EEFSEC: variants seen among roughly 807,000 people sequenced by gnomAD.
The protein encoded by EEFSEC is selenocysteine-specific elongation factor.
A neutral mutation model predicts 42.1 loss-of-function variants in EEFSEC; 43 were observed. That is an observed-to-expected ratio of 1.02 (90% confidence interval 0.80 to 1.32). The LOEUF (loss-of-function observed/expected upper bound fraction) is 1.32. EEFSEC is among the 40% of genes most tolerant of loss of function. The pLI is 0.00. For missense variants in EEFSEC, 745 were observed against 803.6 expected, an observed-to-expected ratio of 0.93 and a Z score of 0.88; for synonymous variants, 354 against 339.1, an observed-to-expected ratio of 1.04 and a Z score of -0.48.
intron 1 of EEFSEC, among the ~76,000 whole-genome samples, chr3:128,167,079 C>T (rs2065248820): frequency 6.6e-6 from 1 of 152,168 alleles, no homozygotes. Flanking sequence ...ACATGCAGGT[C>T]TGTGGACAGA....
chr3:128,257,351 C>G (rs2066251470), intron 2 of EEFSEC, among the ~76,000 whole-genome samples: 2 of 152,198 alleles, frequency 1.3e-5, no homozygotes, highest in Admixed American at 1.3e-4. Context: ...CTCAGATGCT[C>G]TCCAGAGGGG....
chr3:128,337,664 A>C (rs952957447), intron 4 of EEFSEC, among the ~76,000 whole-genome samples: 3 of 152,238 alleles, frequency 2.0e-5, no homozygotes, highest in African/African-American at 7.2e-5. Flanking sequence ...TGTCACAACC[A>C]GGTTTCTCAG....
intron 2 of EEFSEC, among the ~76,000 whole-genome samples, chr3:128,249,471 G>A (rs762700318): frequency 2.6e-5 from 4 of 152,060 alleles, no homozygotes; most frequent in African/African-American, 7.3e-5. Context: ...ACATGTAAGT[G>A]TATAATTCAG....
intron 6 of EEFSEC, among the ~76,000 whole-genome samples, chr3:128,398,341 G>A (rs1576703378): frequency 6.6e-6 from 1 of 152,200 alleles, no homozygotes; most frequent in Admixed American, 6.5e-5. Flanking sequence ...GGCCGAGGGA[G>A]CGCCAGTCCC....
intron 6 of EEFSEC, among the ~76,000 whole-genome samples, chr3:128,370,500 C>T (rs1427266088): frequency 6.6e-6 from 1 of 152,188 alleles, no homozygotes; most frequent in East Asian, 1.9e-4. Flanking sequence ...AGCAGTGAGG[C>T]AGAGCTGACT....
chr3:128,305,988 A>G (rs2066822095), intron 4 of EEFSEC, among the ~76,000 whole-genome samples: 1 of 152,292 alleles, frequency 6.6e-6, no homozygotes, highest in East Asian at 1.9e-4. Flanking sequence ...GATATCCTGC[A>G]ACTTCTCTTT....
At chr3:128,160,919 A>G (rs559227644) in intron 1 of EEFSEC, among the ~76,000 whole-genome samples, 2 of 152,270 alleles carry the variant, frequency 1.3e-5, no homozygotes, top group African/African-American at 2.4e-5. Context: ...GTTAACAGTG[A>G]TAATTGTACT....
chr3:128,376,115 G>A lies in EEFSEC; in HGVS notation c.1600+17742G>A, dbSNP rs146552064. ...AGTGGAGTAGGGTGCCTCTTTCCCA[G>A]TAACCCCACCAAAGTGCTAGAGCCC... On this transcript the variant is annotated intron_variant, in intron 6 of 6. Transcript: ENST00000254730. 4.6e-3 allele frequency among the ~76,000 whole-genome samples: 695 copies of A among 152,294 alleles called. 5 individuals carry two copies. Among genetic ancestry groups the A allele is most frequent in the African/African-American group, 0.015 (611 of 41,570 alleles).
chr3:128,368,080 G>A (rs1453188645), intron 6 of EEFSEC, among the ~76,000 whole-genome samples: 2 of 152,224 alleles, frequency 1.3e-5, no homozygotes, highest in African/African-American at 2.4e-5. Flanking sequence ...CAGCTGGAGT[G>A]TGTCCTGTCT....
chr3:128,198,879 T>C (rs1277629490), intron 1 of EEFSEC, among the ~76,000 whole-genome samples: 1 of 152,112 alleles, frequency 6.6e-6, no homozygotes, highest in Non-Finnish European at 1.5e-5. Context: ...TCGCCCATGC[T>C]GGAGTGCGGT....
In EEFSEC at chr3:128,199,741, A is replaced by T. The variant is rs189661705; in HGVS notation, c.316+45918A>T. Among the ~76,000 whole-genome samples, 444 of 150,664 alleles carry T rather than the reference A, an allele frequency of 2.9e-3. 11 individuals are homozygous for T. Among genetic ancestry groups the T allele is most frequent in the Admixed American group, 0.028 (424 of 15,138 alleles). ...ACTGGTTGTCTGTTTTATAAAAATAATTTTTTTTTTGAGATGGGGTCTCAC... is the reference window on the plus strand; with the variant it reads ...ACTGGTTGTCTGTTTTATAAAAATATTTTTTTTTTTGAGATGGGGTCTCAC... On this transcript the variant is annotated intron_variant, in intron 1 of 6. Coordinates refer to ENST00000254730, the MANE Select transcript of EEFSEC (RefSeq NM_021937.5).
At chr3:128,414,967 C>T in the EEFSEC span, among the ~76,000 whole-genome samples, 244 of 152,256 alleles carry the variant, frequency 1.6e-3, no homozygotes, top group African/African-American at 5.3e-3. Flanking sequence ...GAGGGGAGGC[C>T]AGACTTAGGG....
chr3:128,183,977 A>G (rs570017123), intron 1 of EEFSEC, among the ~76,000 whole-genome samples: 1 of 152,344 alleles, frequency 6.6e-6, no homozygotes, highest in Non-Finnish European at 1.5e-5. Flanking sequence ...CAGGAACAGC[A>G]GTGCAGACCA....
At chr3:128,199,859 G>A (rs866566767) in intron 1 of EEFSEC, among the ~76,000 whole-genome samples, 9 of 150,826 alleles carry the variant, frequency 6.0e-5, no homozygotes, top group Non-Finnish European at 1.2e-4. Context: ...TCAGCCTCCC[G>A]AGTAGCTGGG....
At chr3:128,321,925 G>A (rs1214980278) in intron 4 of EEFSEC, among the ~76,000 whole-genome samples, 1 of 152,226 alleles carries the variant, frequency 6.6e-6, no homozygotes, top group Non-Finnish European at 1.5e-5. Context: ...GCAGTGAGCT[G>A]GGAGCTGAAG....
chr3:128,303,053 A>G (rs917560664), intron 4 of EEFSEC, among the ~76,000 whole-genome samples: 2 of 152,190 alleles, frequency 1.3e-5, no homozygotes, highest in African/African-American at 4.8e-5. Flanking sequence ...GAGTATATCC[A>G]TGGGTAAATC....
intron 1 of EEFSEC, among the ~76,000 whole-genome samples, chr3:128,212,744 C>T (rs775280629): frequency 1.4e-4 from 21 of 152,190 alleles, no homozygotes; most frequent in Non-Finnish European, 2.6e-4. Context: ...CTCTTTGAGA[C>T]AGCAGAATCA....
At chr3:128,184,403 C>T (rs1206736570) in intron 1 of EEFSEC, among the ~76,000 whole-genome samples, 1 of 152,210 alleles carries the variant, frequency 6.6e-6, no homozygotes, top group Non-Finnish European at 1.5e-5. Flanking sequence ...ACTTGGACTA[C>T]TAAGTGGAAT....
intron 1 of EEFSEC, among the ~76,000 whole-genome samples, chr3:128,207,882 G>T (rs1236755147): frequency 6.6e-6 from 1 of 152,190 alleles, no homozygotes; most frequent in Admixed American, 6.5e-5. Flanking sequence ...GCTGCCAAAT[G>T]AACTTCTGGT....
Sources: allele counts gnomAD v4.1 joint callset (sites outside exome capture counted in the v4.1 genomes callset), GRCh38; gene constraint gnomAD v4.1.1; transcripts MANE v1.5; gene names NCBI Gene and HGNC (gene_info 2026-07-23, HGNC 2026-07-21).